Variants in UGT1A10 observed in about 807,000 individuals in gnomAD.
UGT1A10 encodes UDP glucuronosyltransferase family 1 member A10, also known as UDP-glucuronosyltransferase 1A10.
In UGT1A10, 49 loss-of-function variants were observed where a neutral mutation model predicts 45.8. That is an observed-to-expected ratio of 1.07 (90% CI 0.85 to 1.36). The LOEUF (loss-of-function observed/expected upper bound fraction) is 1.36, where lower values mean the gene tolerates loss of function less well. Among genes scored for constraint, UGT1A10 ranks in the 40% most tolerant of loss-of-function variants. The pLI is 0.00. For missense variants in UGT1A10, 745 were observed against 668.6 expected (o/e 1.11, Z -1.26); for synonymous variants, 284 against 249.7 (o/e 1.14, Z -1.29).
intron 1 of UGT1A10, among the ~76,000 whole-genome samples, chr2:233,751,222 C>A (rs1694670649): frequency 6.6e-6 from 1 of 151,992 alleles, no homozygotes; most frequent in African/African-American, 2.4e-5. Context: ...GATTTAATGA[C>A]TGCCCTGCCT....
rs35003977 is a variant in UGT1A10, at chr2:233,760,961, T to G, written c.856-6073T>G. 783 of 1,614,200 alleles carry G rather than the reference T, an allele frequency of 4.9e-4. 4 individuals are homozygous for G. The highest frequency in any genetic ancestry group is 3.5e-3 in the Middle Eastern group (21 of 6,062). On this transcript the variant is annotated intron_variant, in intron 1 of 4. Coordinates refer to ENST00000344644, the MANE Select transcript of UGT1A10 (RefSeq NM_019075.4). ...TTTTCACAGAACTTTCTGTGCGACG[T>G]GGTTTATTCCCCGTATGCAACCCTT...
chr2:233,722,716 G>A (rs952694849), intron 1 of UGT1A10, among the ~76,000 whole-genome samples: 1 of 151,988 alleles, frequency 6.6e-6, no homozygotes, highest in Non-Finnish European at 1.5e-5. Flanking sequence ...TTAAATATCA[G>A]TTTTTAAATT....
intron 1 of UGT1A10, among the ~76,000 whole-genome samples, chr2:233,642,974 C>A (rs1444544027): frequency 6.6e-6 from 1 of 152,190 alleles, no homozygotes; most frequent in Non-Finnish European, 1.5e-5. Context: ...GTGGCCATCA[C>A]CACTATGACT....
intron 1 of UGT1A10, among the ~76,000 whole-genome samples, chr2:233,670,624 T>A (rs1445291961): frequency 6.6e-6 from 1 of 152,212 alleles, no homozygotes; most frequent in Non-Finnish European, 1.5e-5. Flanking sequence ...TCATCTTCTG[T>A]TGATTCCTCT....
intron 1 of UGT1A10, among the ~76,000 whole-genome samples, chr2:233,726,736 G>A (rs531749888): frequency 1.4e-4 from 22 of 152,274 alleles, no homozygotes; most frequent in African/African-American, 3.9e-4. Context: ...ATACTTTTGT[G>A]GGGCTGTGAT....
rs28969989 is a variant in UGT1A10 at position 233,647,828 on chromosome 2, G to T, written c.855+10451G>T. ...TCAAGTTAATTGATTTGCCCCAAAAGCTAGCTTTGGTGTCATTGGTTTTCT... is the reference window on the plus strand; with the variant it reads ...TCAAGTTAATTGATTTGCCCCAAAATCTAGCTTTGGTGTCATTGGTTTTCT... On this transcript the variant is annotated intron_variant, in intron 1 of 4. Transcript: ENST00000344644. 1,984 of 992,810 alleles carry T rather than the reference G, an allele frequency of 2.0e-3. 34 individuals carry two copies. The African/African-American group carries it at 0.029, about 14-fold the overall frequency. The allele number at this position is 992,810 out of a possible 1,614,324, so 61.5% of individuals were successfully genotyped here.
intron 1 of UGT1A10, chr2:233,754,501 CT>C (rs1695497975): frequency 2.8e-6 from 1 of 356,918 alleles, no homozygotes; most frequent in Non-Finnish European, 5.6e-6. Context: ...AAAAAGTCCG[CT>C]ATTCCTCCAG....
intron 1 of UGT1A10, among the ~76,000 whole-genome samples, chr2:233,734,275 T>G (rs2078506327): frequency 6.6e-6 from 1 of 152,188 alleles, no homozygotes; most frequent in Non-Finnish European, 1.5e-5. Context: ...GTCCAGGAAT[T>G]TATCCATTTC....
rs1697459307 is a variant in UGT1A10, at chr2:233,760,471, C to T, written c.856-6563C>T. The T allele has an allele frequency of 7.4e-6, 12 of 1,614,210 alleles. No individual in the cohort carries two copies. The highest frequency in any genetic ancestry group is 1.0e-5 in the Non-Finnish European group (12 of 1,180,040). ...GGGACATGAAATAGTTGTCCTAGCA[C>T]CTGACGCCTCGTTGTACATCAGAGA... On this transcript the variant is annotated intron_variant, in intron 1 of 4. Coordinates refer to ENST00000344644, the MANE Select transcript of UGT1A10 (RefSeq NM_019075.4).
At chr2:233,682,283 A>G in intron 1 of UGT1A10, 1 of 1,614,164 alleles carries the variant, frequency 6.2e-7, no homozygotes, top group Non-Finnish European at 8.5e-7. Flanking sequence ...ATCCAATGGT[A>G]TTTTTGACTT....
chr2:233,743,731 G>A (rs373030535), intron 1 of UGT1A10: 15 of 1,367,244 alleles, frequency 1.1e-5, no homozygotes, highest in Middle Eastern at 2.1e-4. Flanking sequence ...CATAGATATC[G>A]CGTTTCTTGG....
intron 1 of UGT1A10, chr2:233,721,861 C>A: frequency 2.0e-6 from 1 of 507,538 alleles, no homozygotes; most frequent in Non-Finnish European, 3.9e-6. Flanking sequence ...CTGCTCGGCC[C>A]TGGGCACACT....
At chr2:233,693,531 G>C in intron 1 of UGT1A10, 1 of 1,614,154 alleles carries the variant, frequency 6.2e-7, no homozygotes, top group Admixed American at 1.7e-5. Context: ...GGTTTTCCGT[G>C]TTCCCTGGAG....
chr2:233,732,507 C>A (rs2125772065), intron 1 of UGT1A10, among the ~76,000 whole-genome samples: 1 of 152,338 alleles, frequency 6.6e-6, no homozygotes, highest in Admixed American at 6.5e-5. Context: ...GGAAGGGATC[C>A]TGTTCCAGCT....
intron 1 of UGT1A10, among the ~76,000 whole-genome samples, chr2:233,710,586 G>A (rs947455751): frequency 4.6e-5 from 7 of 152,000 alleles, no homozygotes; most frequent in African/African-American, 1.2e-4. Flanking sequence ...AAAATCTTCC[G>A]CACACCTTTA....
intron 1 of UGT1A10, among the ~76,000 whole-genome samples, chr2:233,670,264 G>C (rs892125060): frequency 3.3e-5 from 5 of 152,228 alleles, no homozygotes; most frequent in Admixed American, 1.3e-4. Context: ...GAAGAGGTGG[G>C]TTGGTTTTGC....
intron 1 of UGT1A10, among the ~76,000 whole-genome samples, chr2:233,664,037 A>G (rs1362956289): frequency 1.3e-5 from 2 of 152,154 alleles, no homozygotes; most frequent in East Asian, 1.9e-4. Context: ...CAGATACCCT[A>G]GGTCATCACT....
chr2:233,705,657 A>C (rs2075863196), intron 1 of UGT1A10, among the ~76,000 whole-genome samples: 1 of 152,176 alleles, frequency 6.6e-6, no homozygotes, highest in South Asian at 2.1e-4. Context: ...CTTCTCATAA[A>C]TTATAGTTGT....
Position 233,768,314 on chromosome 2 carries a change from G to GT in UGT1A10, c.1173dup (p.Gly392TrpfsTer2). 1 of 1,614,180 alleles carries GT rather than the reference G, an allele frequency of 6.2e-7. No individual in the cohort carries two copies. Among genetic ancestry groups the GT allele is most frequent in the Non-Finnish European group, 8.5e-7 (1 of 1,180,040 alleles). ...GCGTTCCCATGGTGATGATGCCCTTGTTTGGTGATCAGATGGACAATGCAA... is the reference window on the plus strand; with the variant it reads ...GCGTTCCCATGGTGATGATGCCCTTGTTTTGGTGATCAGATGGACAATGCAA... On this transcript the variant is annotated frameshift_variant, in exon 4 of 5. Transcript: ENST00000344644. LOFTEE classifies it high-confidence loss of function.
Sources: allele counts gnomAD v4.1 joint callset (sites outside exome capture counted in the v4.1 genomes callset), GRCh38; gene constraint gnomAD v4.1.1; transcripts MANE v1.5; gene names NCBI Gene and HGNC (gene_info 2026-07-23, HGNC 2026-07-21).